IL1RAPL1: variants seen among roughly 807,000 people sequenced by gnomAD.
IL1RAPL1 encodes interleukin-1 receptor accessory protein-like 1.
Under a neutral mutation model 48.4 loss-of-function variants are expected in IL1RAPL1, and 3 were observed. The observed-to-expected ratio is 0.06, with a 90% CI of 0.03 to 0.16. The LOEUF is 0.16. IL1RAPL1 is among the 10% of genes least tolerant of loss of function. The pLI is 1.00. For synonymous variants in IL1RAPL1, 185 were observed against 187.7 expected (o/e 0.99, Z 0.12); for missense variants, 349 against 530.6 (o/e 0.66, Z 3.36).
At chrX:29,316,232 T>C (rs12557745) in intron 3 of IL1RAPL1, among the ~76,000 whole-genome samples, 16,305 of 110,983 alleles carry the variant, frequency 0.15, 1,183 homozygotes, top group East Asian at 0.29. Flanking sequence ...GGAGACTGAA[T>C]TGAGAATTGT....
chrX:28,905,960 C>T (rs1188456380), intron 2 of IL1RAPL1, among the ~76,000 whole-genome samples: 2 of 111,669 alleles, frequency 1.8e-5, no homozygotes, highest in Admixed American at 1.9e-4. Flanking sequence ...TAAAGAAATA[C>T]CCAAGACTGG....
Position 29,399,327 on chromosome X carries a change from AT to A in IL1RAPL1, c.703+22del. ...GTTACAGGTAATCACAGTCTTCAAT[AT>A]TTCACTTGCAAGTGATGAAACTACT... On this transcript the variant is annotated intron_variant, in intron 5 of 10. Coordinates refer to ENST00000378993, the MANE Select transcript of IL1RAPL1 (RefSeq NM_014271.4). The A allele has an allele frequency of 8.6e-7, 1 of 1,168,728 alleles. No individual in the cohort carries two copies. The highest frequency in any genetic ancestry group is 1.2e-6 in the Non-Finnish European group (1 of 857,240).
chrX:29,079,761 C>T (rs969421716), intron 2 of IL1RAPL1, among the ~76,000 whole-genome samples: 1 of 110,487 alleles, frequency 9.1e-6, no homozygotes, highest in African/African-American at 3.3e-5. Flanking sequence ...ATGTAAGATT[C>T]CAGAAGGCAG....
chrX:29,208,743 TAAATAAATA>T, intron 2 of IL1RAPL1, among the ~76,000 whole-genome samples: 1 of 106,118 alleles, frequency 9.4e-6, no homozygotes, highest in African/African-American at 3.5e-5. Context: ...AATAAATAAA[TAAATAAATA>T]AAAGTCTTAG....
intron 1 of IL1RAPL1, among the ~76,000 whole-genome samples, chrX:28,693,384 A>T (rs1221391475): frequency 8.9e-6 from 1 of 112,620 alleles, no homozygotes; most frequent in Non-Finnish European, 1.9e-5. Context: ...GATCAACAGG[A>T]CAGTCCTTTT....
At chrX:29,431,524 G>A (rs949618366) in intron 5 of IL1RAPL1, among the ~76,000 whole-genome samples, 1 of 111,605 alleles carries the variant, frequency 9.0e-6, no homozygotes, top group Non-Finnish European at 1.9e-5. Flanking sequence ...ACATTTATTC[G>A]ATTATCCGCT....
intron 1 of IL1RAPL1, among the ~76,000 whole-genome samples, chrX:28,702,525 C>G (rs1352722079): frequency 9.0e-6 from 1 of 111,488 alleles, no homozygotes; most frequent in Non-Finnish European, 1.9e-5. Flanking sequence ...ATCAAGAAAC[C>G]ATTGACCTTT....
chrX:29,661,223 A>G, intron 5 of IL1RAPL1, among the ~76,000 whole-genome samples: 1 of 112,259 alleles, frequency 8.9e-6, no homozygotes, highest in South Asian at 3.6e-4. Flanking sequence ...TTTTTGGTGG[A>G]GTTTTTAGAT....
Position 28,600,087 on chromosome X carries a change from C to A in IL1RAPL1, c.-25+12040C>A, listed in dbSNP as rs777463732. 3.1e-4 allele frequency among the ~76,000 whole-genome samples: 35 copies of A among 111,368 alleles called. No individual in the cohort carries two copies. In the South Asian group the frequency reaches 0.013, roughly 41 times the overall value. ...ACCAACGGCAGGATGGGTATACAGG[C>A]CATTAAGAGGGGAATGAAAGTTATT... On this transcript the variant is annotated intron_variant, in intron 1 of 10. Coordinates refer to ENST00000378993, the MANE Select transcript of IL1RAPL1 (RefSeq NM_014271.4).
chrX:28,683,357 CT>C (rs72388021), intron 1 of IL1RAPL1, among the ~76,000 whole-genome samples: 7,288 of 106,081 alleles, frequency 0.069, 505 homozygotes, highest in East Asian at 0.33. Context: ...GGAAATATCT[CT>C]TTTTTTTTTC....
At chrX:28,753,938 G>C (rs1936075635) in intron 1 of IL1RAPL1, among the ~76,000 whole-genome samples, 1 of 110,682 alleles carries the variant, frequency 9.0e-6, no homozygotes, top group Non-Finnish European at 1.9e-5. Flanking sequence ...GAGAGAGAGA[G>C]AGACAGAGAA....
chrX:28,609,364 T>G (rs1465482236), intron 1 of IL1RAPL1, among the ~76,000 whole-genome samples: 3 of 111,215 alleles, frequency 2.7e-5, no homozygotes, highest in African/African-American at 6.5e-5. Context: ...ATCATTGGTG[T>G]TGTTTTTTGA....
intron 2 of IL1RAPL1, among the ~76,000 whole-genome samples, chrX:29,248,083 T>G (rs1282352644): frequency 8.9e-6 from 1 of 111,738 alleles, no homozygotes; most frequent in African/African-American, 3.3e-5. Context: ...GTTTCCAATT[T>G]GCTCTAAGTT....
chrX:28,705,546 A>G (rs1161753543), intron 1 of IL1RAPL1, among the ~76,000 whole-genome samples: 1 of 112,206 alleles, frequency 8.9e-6, no homozygotes, highest in East Asian at 2.8e-4. Flanking sequence ...GAAACTAGCA[A>G]CGTGCACATG....
intron 5 of IL1RAPL1, among the ~76,000 whole-genome samples, chrX:29,586,525 C>G (rs1923167892): frequency 1.8e-5 from 2 of 111,487 alleles, no homozygotes; most frequent in Non-Finnish European, 3.8e-5. Flanking sequence ...CGTTTATGGT[C>G]TTTTATGGTT....
intron 6 of IL1RAPL1, among the ~76,000 whole-genome samples, chrX:29,880,520 T>G (rs778679884): frequency 8.9e-6 from 1 of 111,827 alleles, no homozygotes; most frequent in African/African-American, 3.2e-5. Flanking sequence ...TACTGAGAGG[T>G]AAATGAATTA....
intron 5 of IL1RAPL1, among the ~76,000 whole-genome samples, chrX:29,519,147 A>G (rs1170608177): frequency 9.0e-6 from 1 of 111,689 alleles, no homozygotes; most frequent in Non-Finnish European, 1.9e-5. Context: ...CTAGGTTTTC[A>G]GGAGCATGTC....
chrX:29,489,342 G>C (rs1176001421), intron 5 of IL1RAPL1, among the ~76,000 whole-genome samples: 2 of 111,755 alleles, frequency 1.8e-5, no homozygotes, highest in East Asian at 5.6e-4. Flanking sequence ...CTGGAGATAA[G>C]AAGAAAGGCA....
chrX:28,847,457 T>C (rs5943562), intron 2 of IL1RAPL1, among the ~76,000 whole-genome samples: 46,610 of 110,462 alleles, frequency 0.42, 7,522 homozygotes, highest in Middle Eastern at 0.61. Context: ...CCTCTACTTA[T>C]AATGGTCTTT....
Sources: gnomAD v4.1 joint callset for allele counts (sites outside exome capture counted in the v4.1 genomes callset) on GRCh38, gnomAD v4.1.1 for gene constraint, MANE v1.5 for transcripts, NCBI Gene and HGNC (gene_info 2026-07-23, HGNC 2026-07-21) for gene names.